The following SEMA6D variants were observed in gnomAD, a reference collection of about 807,000 sequenced individuals.
SEMA6D encodes the protein semaphorin 6D, also known as semaphorin-6D.
A neutral mutation model predicts 106.6 loss-of-function variants in SEMA6D; 35 were observed. That is an observed-to-expected ratio of 0.33 (90% CI 0.25 to 0.44). SEMA6D has a LOEUF of 0.44. Among genes scored for constraint, SEMA6D ranks in the 20% least tolerant of loss-of-function variants. The pLI is 1.00. For missense variants in SEMA6D, 1,185 were observed against 1,345.9 expected, an observed-to-expected ratio of 0.88 and a Z score of 1.87; for synonymous variants, 499 against 487.7, an observed-to-expected ratio of 1.02 and a Z score of -0.31.
At chr15:47,409,619 T>C (rs2453907) in intron 1 of SEMA6D, among the ~76,000 whole-genome samples, 102,954 of 152,050 alleles carry the variant, frequency 0.68, 35,066 homozygotes, top group African/African-American at 0.74. Flanking sequence ...TGGAAAAATA[T>C]TCAGATTTTT....
intron 1 of SEMA6D, among the ~76,000 whole-genome samples, chr15:47,726,485 C>T (rs548875878): frequency 6.6e-6 from 1 of 152,348 alleles, no homozygotes; most frequent in Admixed American, 6.5e-5. Flanking sequence ...CAGCTAGTGA[C>T]TAGTGGAACC....
intron 2 of SEMA6D, among the ~76,000 whole-genome samples, chr15:47,422,451 A>G (rs1567068740): frequency 1.3e-5 from 2 of 152,034 alleles, no homozygotes; most frequent in African/African-American, 2.4e-5. Context: ...TGGCAAAAAG[A>G]AAAAGAGAAT....
intron 1 of SEMA6D, among the ~76,000 whole-genome samples, chr15:47,296,475 A>G (rs1416197169): frequency 6.6e-6 from 1 of 152,244 alleles, no homozygotes; most frequent in East Asian, 1.9e-4. Context: ...GAGCCTGTCC[A>G]GATAACCAGC....
At chr15:47,470,626 A>G (rs992647102) in intron 3 of SEMA6D, 3 of 152,080 alleles carry the variant, frequency 2.0e-5, no homozygotes, top group Admixed American at 6.6e-5. Flanking sequence ...AACTTGGAAG[A>G]TTCATTCCTT....
At chr15:47,654,609 G>T (rs2077756557) in intron 4 of SEMA6D, among the ~76,000 whole-genome samples, 1 of 152,156 alleles carries the variant, frequency 6.6e-6, no homozygotes, top group African/African-American at 2.4e-5. Flanking sequence ...TGGATCATGA[G>T]GCTGGATTTC....
At chr15:47,678,233 T>C (rs1041982921) in intron 4 of SEMA6D, among the ~76,000 whole-genome samples, 1 of 152,050 alleles carries the variant, frequency 6.6e-6, no homozygotes, top group African/African-American at 2.4e-5. Context: ...CCCACTGAGA[T>C]AGTCATCTAG....
intron 3 of SEMA6D, among the ~76,000 whole-genome samples, chr15:47,495,196 T>C (rs2043612371): frequency 6.6e-6 from 1 of 152,018 alleles, no homozygotes; most frequent in Non-Finnish European, 1.5e-5. Context: ...AAAGAAACTC[T>C]ATAAATAATA....
intron 3 of SEMA6D, among the ~76,000 whole-genome samples, chr15:47,519,620 C>T (rs545313714): frequency 3.3e-5 from 5 of 152,258 alleles, no homozygotes; most frequent in South Asian, 2.1e-4. Context: ...AAAACTCAGG[C>T]GCACCTACTT....
At chr15:47,460,570 A>G (rs1276371017) in intron 2 of SEMA6D, among the ~76,000 whole-genome samples, 1 of 152,112 alleles carries the variant, frequency 6.6e-6, no homozygotes, top group Non-Finnish European at 1.5e-5. Context: ...GAAGGAAGAA[A>G]GACAGCTGGA....
At position 47,420,384 on chromosome 15, in the gene SEMA6D, C is replaced by T. The variant is rs1430266132; in HGVS notation, c.-159+7912C>T. 3.9e-5 allele frequency among the ~76,000 whole-genome samples: 6 copies of T among 152,010 alleles called. No homozygotes were observed. In the South Asian group the frequency reaches 1.2e-3, roughly 32 times the overall value. ...TATTTATAAACCTTTCTTCCCCCTC[C>T]CCTAATTTTCTCTCCTAACCTATTC... is the stretch of plus-strand genomic sequence containing the variant. On this transcript the variant is annotated intron_variant, in intron 2 of 19. Transcript: ENST00000558014.
intron 4 of SEMA6D, among the ~76,000 whole-genome samples, chr15:47,632,070 T>C (rs1166730410): frequency 6.6e-6 from 1 of 152,018 alleles, no homozygotes; most frequent in African/African-American, 2.4e-5. Context: ...TGTTGTTTAA[T>C]TTTCAAGTAT....
chr15:47,745,798 A>G (rs2081094961), intron 1 of SEMA6D, among the ~76,000 whole-genome samples: 1 of 152,252 alleles, frequency 6.6e-6, no homozygotes, highest in African/African-American at 2.4e-5. Context: ...GTCCAGATCT[A>G]TCAAATGGAA....
chr15:47,616,670 GCTACGA>G (rs2077013283), intron 4 of SEMA6D, among the ~76,000 whole-genome samples: 1 of 152,060 alleles, frequency 6.6e-6, no homozygotes, highest in African/African-American at 2.4e-5. Flanking sequence ...GAAAGGTTTG[GCTACGA>G]CAGAATTTGT....
intron 4 of SEMA6D, among the ~76,000 whole-genome samples, chr15:47,621,821 T>A (rs1012047966): frequency 2.0e-5 from 3 of 152,192 alleles, no homozygotes; most frequent in Non-Finnish European, 2.9e-5. Flanking sequence ...TTCACAATGT[T>A]GTTATAAAGA....
chr15:47,313,560 T>G (rs2036526567), intron 1 of SEMA6D, among the ~76,000 whole-genome samples: 1 of 152,208 alleles, frequency 6.6e-6, no homozygotes, highest in South Asian at 2.1e-4. Flanking sequence ...GCAATTATGT[T>G]TGTTTGTTTA....
chr15:47,317,139 T>C (rs969648098), intron 1 of SEMA6D, among the ~76,000 whole-genome samples: 3 of 152,168 alleles, frequency 2.0e-5, no homozygotes, highest in African/African-American at 4.8e-5. Flanking sequence ...TTTTGGCGAA[T>C]TGTGTCTTTC....
At chr15:47,278,807 G>A (rs1289640526) in intron 1 of SEMA6D, among the ~76,000 whole-genome samples, 1 of 147,934 alleles carries the variant, frequency 6.8e-6, no homozygotes, top group Non-Finnish European at 1.5e-5. Flanking sequence ...GTAAGGAAGG[G>A]ATCCAGTTTC....
chr15:47,237,737 G>A (rs987876855), intron 1 of SEMA6D, among the ~76,000 whole-genome samples: 7 of 151,968 alleles, frequency 4.6e-5, no homozygotes, highest in Admixed American at 2.0e-4. Context: ...AACTATGACC[G>A]TTTTAATTGT....
Position 47,762,297 on chromosome 15 carries a change from A to G in SEMA6D, c.636A>G (p.Lys212=), listed in dbSNP as rs1251527830. The part of the protein sequence containing the change: ...MGDGSALRTI[K]YDSKWIKEPH... The stretch of plus-strand genomic sequence containing the variant: ...ATGGATCTGCCCTTCGCACAATAAA[A>G]TATGATTCCAAATGGATAAAAGGTA... The change falls in exon 8 of 19, where the codon AAA becomes AAG. Residue 212 remains lysine, a synonymous_variant. Coordinates refer to ENST00000536845, the MANE Select transcript of SEMA6D (RefSeq NM_001358351.3). 1.9e-6 allele frequency: 3 copies of G among 1,613,446 alleles called. No homozygotes were observed. Among genetic ancestry groups the G allele is most frequent in the African/African-American group, 2.7e-5 (2 of 74,880 alleles).
Sources: allele counts gnomAD v4.1 joint callset (sites outside exome capture counted in the v4.1 genomes callset), GRCh38; gene constraint gnomAD v4.1.1; transcripts MANE v1.5; gene names NCBI Gene and HGNC (gene_info 2026-07-23, HGNC 2026-07-21).